Variants in CCDC180 observed in about 807,000 individuals in gnomAD.
The protein encoded by CCDC180 is coiled-coil domain-containing protein 180.
A neutral mutation model predicts 209.2 loss-of-function variants in CCDC180; 154 were observed. The ratio of observed to expected loss-of-function variants is 0.74; its 90% CI spans 0.65 to 0.84. The LOEUF (loss-of-function observed/expected upper bound fraction) is 0.84, where lower values mean the gene tolerates loss of function less well. Ranked by LOEUF, CCDC180 falls within the 40% of genes least tolerant of loss-of-function variation. The pLI is 0.00. For missense variants in CCDC180, 1,874 were observed against 1,997.3 expected, an observed-to-expected ratio of 0.94 and a Z score of 1.18; for synonymous variants, 778 against 749.1, an observed-to-expected ratio of 1.04 and a Z score of -0.63.
chr9:97,374,596 G>T lies in CCDC180; in HGVS notation c.4654G>T (p.Gly1552Trp). The T allele has an allele frequency of 6.2e-7, 1 of 1,614,136 alleles. No homozygotes were observed. Among genetic ancestry groups the T allele is most frequent in the South Asian group, 1.1e-5 (1 of 91,080 alleles). ...AATGCTCATACGAAGGAAACTCGCT[G>T]GGCTCTCCCTGAAGGAAGAGAGTGA... The part of the protein sequence containing the change: ...LSMLIRRKLA[G>W]LSLKEESEKP... The change falls in exon 35 of 37, where the codon GGG becomes TGG. Residue 1552 changes from glycine to tryptophan, a missense_variant. Physicochemically the swap from Gly to Trp is radical, Grantham distance 184. Coordinates refer to ENST00000529487, the MANE Select transcript of CCDC180 (RefSeq NM_020893.6).
chr9:97,307,601 TA>T, upstream of CCDC180: 1 of 778,836 alleles, frequency 1.3e-6, no homozygotes, highest in Non-Finnish European at 2.2e-6. Context: ...GAGGGTGGAT[TA>T]GGGTCCCGGA....
chr9:97,322,307 G>C (rs1331645020), intron 11 of CCDC180, among the ~76,000 whole-genome samples: 7 of 152,146 alleles, frequency 4.6e-5, no homozygotes, highest in Non-Finnish European at 1.0e-4. Context: ...CAAAATCTCT[G>C]TGTGGTCTTT....
At position 97,314,901 on chromosome 9, in the gene CCDC180, C is replaced by T; in HGVS notation, c.750C>T (p.Tyr250=). ...KYAEVIEKTS[Y]LMRPEVYRLI... ...CAGAAGTCATAGAGAAAACTTCCTA[C>T]CTCATGCGGCCCGAAGTGTACAGGC... The change falls in exon 8 of 37, where the codon TAC becomes TAT. Residue 250 remains tyrosine, a synonymous_variant. Transcript: ENST00000529487. 6.2e-7 allele frequency: 1 copy of T among 1,614,174 alleles called. No homozygotes were observed. Among genetic ancestry groups the T allele is most frequent in the Non-Finnish European group, 8.5e-7 (1 of 1,180,008 alleles).
chr9:97,369,957 C>G lies in CCDC180; in HGVS notation c.4225C>G (p.Leu1409Val). 6.2e-7 allele frequency: 1 copy of G among 1,614,212 alleles called. No homozygotes were observed. Among genetic ancestry groups the G allele is most frequent in the Non-Finnish European group, 8.5e-7 (1 of 1,180,036 alleles). ...RIQIRRFEEL[L>V]PQVCWLVMEN... Reference sequence around the variant, plus strand: ...CCAGATCAGGAGATTTGAGGAGCTGCTGCCCCAAGTGTGTTGGCTGGTGAT... The same window carrying G: ...CCAGATCAGGAGATTTGAGGAGCTGGTGCCCCAAGTGTGTTGGCTGGTGAT... Residue 1409 changes from leucine to valine, a missense_variant, in exon 32 of 37, where the codon CTG becomes GTG. Coordinates refer to ENST00000529487, the MANE Select transcript of CCDC180 (RefSeq NM_020893.6).
At chr9:97,322,780 TTC>T in intron 11 of CCDC180, 51 bp from the exon 12 acceptor site, 1 of 1,530,446 alleles carries the variant, frequency 6.5e-7, no homozygotes, top group Non-Finnish European at 9.0e-7. Context: ...ACACTCCCCT[TTC>T]TAATCTTCTC....
At chr9:97,362,131 G>C in intron 27 of CCDC180, 65 bp from the exon 28 acceptor site, 2 of 1,563,774 alleles carry the variant, frequency 1.3e-6, no homozygotes, top group Non-Finnish European at 1.7e-6. Context: ...ATGCTGCTCA[G>C]AGCCTGGCCT....
intron 3 of CCDC180, 21 bp downstream of exon 3, chr9:97,309,625 C>A: frequency 1.3e-6 from 2 of 1,520,244 alleles, no homozygotes; most frequent in South Asian, 2.6e-5. Context: ...TTGTCCATGC[C>A]TCACCCCCAT....
chr9:97,365,413 C>A (rs1010828369), intron 29 of CCDC180: 11 of 443,972 alleles, frequency 2.5e-5, no homozygotes, highest in Admixed American at 1.8e-4. Context: ...AATCCAAGAT[C>A]ATTAAAGCCA....
Position 97,314,303 on chromosome 9 carries a change from C to T in CCDC180, c.460-90C>T. The T allele has an allele frequency of 4.7e-6, 7 of 1,494,358 alleles. No individual in the cohort carries two copies. The South Asian group carries it at 7.0e-5, about 15-fold the overall frequency. The allele number at this position is 1,494,358 out of a possible 1,614,324, so 92.6% of individuals were successfully genotyped here. ...AATGATCATCATTTTTGAGATAGAACCATGCCTGGCACTTCCCCCATGACA... is the reference window on the plus strand; with the variant it reads ...AATGATCATCATTTTTGAGATAGAATCATGCCTGGCACTTCCCCCATGACA... On this transcript the variant is annotated intron_variant, in intron 5 of 36. Coordinates refer to ENST00000529487, the MANE Select transcript of CCDC180 (RefSeq NM_020893.6).
Position 97,330,686 on chromosome 9 carries a change from A to AGAGGAC in CCDC180, c.2198_2199insCGAGGA (p.Glu732_Glu733insAspGlu), listed in dbSNP as rs1554728833. On this transcript the variant is annotated inframe_insertion, in exon 18 of 37. Transcript: ENST00000529487. ...CAGAGGAGGAAGATGAGAAGGAGGA[A>AGAGGAC]GAGGAGGAGGAGGAGAAGCTGGAGG... 100 of 1,586,246 alleles carry AGAGGAC rather than the reference A, an allele frequency of 6.3e-5. No individual in the cohort carries two copies. Among genetic ancestry groups the AGAGGAC allele is most frequent in the Non-Finnish European group, 8.4e-5 (98 of 1,164,518 alleles).
At chr9:97,307,956 T>C in intron 1 of CCDC180, 27 bp from the exon 2 acceptor site, 1 of 1,582,700 alleles carries the variant, frequency 6.3e-7, no homozygotes, top group Non-Finnish European at 8.6e-7. Flanking sequence ...GAACCTGAGT[T>C]TGGGACGGGC....
At chr9:97,335,588 T>G (rs1364756086) in intron 18 of CCDC180, among the ~76,000 whole-genome samples, 1 of 152,186 alleles carries the variant, frequency 6.6e-6, no homozygotes, top group East Asian at 1.9e-4. Flanking sequence ...TTCTGGATAT[T>G]TGGGTTGGTT....
rs941996213 is a variant in CCDC180 at position 97,356,036 on chromosome 9, C to T, written c.3264+1028C>T. Among the ~76,000 whole-genome samples the T allele has an allele frequency of 3.9e-5, 6 of 152,068 alleles. No homozygotes were observed. In the East Asian group the frequency reaches 1.2e-3, roughly 29 times the overall value. On this transcript the variant is annotated intron_variant, in intron 24 of 36. Transcript: ENST00000529487. The stretch of plus-strand genomic sequence containing the variant: ...GAGGGTGGGGGTCCTGGCTGCTGAC[C>T]ACAGAAAGGCTGGAGGTGGGTAGGA...
In CCDC180 at chr9:97,343,439, G is replaced by A. The variant is rs753050880; in HGVS notation, c.2374G>A (p.Glu792Lys). 1.6e-5 allele frequency: 26 copies of A among 1,613,910 alleles called. No individual in the cohort carries two copies. The highest frequency in any genetic ancestry group is 2.0e-5 in the Non-Finnish European group (24 of 1,179,820). Reference protein sequence around the residue: ...GNTYFVFVPLEEEHCRKSHST... With the variant: ...GNTYFVFVPLKEEHCRKSHST... ...CACTTATTTTGTCTTTGTACCCCTG[G>A]AAGAAGAGCATTGTAGGAAGTCCCA... The change falls in exon 19 of 37, where the codon GAA becomes AAA. Residue 792 changes from glutamate to lysine, a missense_variant. Coordinates refer to ENST00000529487, the MANE Select transcript of CCDC180 (RefSeq NM_020893.6).
Position 97,361,708 on chromosome 9 carries a change from C to G in CCDC180, c.3484-18C>G. 6.2e-7 allele frequency: 1 copy of G among 1,612,844 alleles called. No homozygotes were observed. Among genetic ancestry groups the G allele is most frequent in the Non-Finnish European group, 8.5e-7 (1 of 1,179,562 alleles). On this transcript the variant is annotated intron_variant, in intron 26 of 36. Transcript: ENST00000529487. ...GGGCTGGTCCTTACACCCTCAGGCCCTTCTCTCTGGCCTGCAGAACACCAT... is the reference window on the plus strand; with the variant it reads ...GGGCTGGTCCTTACACCCTCAGGCCGTTCTCTCTGGCCTGCAGAACACCAT...
At chr9:97,367,273 T>C (rs1435111366) in intron 31 of CCDC180, among the ~76,000 whole-genome samples, 1 of 152,186 alleles carries the variant, frequency 6.6e-6, no homozygotes, top group East Asian at 1.9e-4. Context: ...TCATTCCTTT[T>C]TATCAATGAA....
intron 8 of CCDC180, among the ~76,000 whole-genome samples, chr9:97,315,806 G>A (rs1833152955): frequency 6.6e-6 from 1 of 152,212 alleles, no homozygotes; most frequent in South Asian, 2.1e-4. Flanking sequence ...AGATGTGGAA[G>A]CTTCTGAAAT....
rs1477858056 is a variant in CCDC180, at chr9:97,317,080, C to T, written c.811C>T (p.Leu271=). 5.0e-6 allele frequency: 8 copies of T among 1,612,524 alleles called. No homozygotes were observed. In the South Asian group the frequency reaches 6.6e-5, roughly 13 times the overall value. The change falls in exon 9 of 37, where the codon CTG becomes TTG. Residue 271 remains leucine (L), a synonymous_variant. Transcript: ENST00000529487. ...GTGACCACAGGTCATGAACTATGCC[C>T]TGCTGGGCAACCGGAAGGCTCTCGC... The part of the protein sequence containing the change: ...NEEAMVMNYA[L]LGNRKALAQL...
In CCDC180 at chr9:97,314,601, C is replaced by T; in HGVS notation, c.589-17C>T. 1 of 1,613,982 alleles carries T rather than the reference C, an allele frequency of 6.2e-7. No individual in the cohort carries two copies. Among genetic ancestry groups the T allele is most frequent in the Non-Finnish European group, 8.5e-7 (1 of 1,179,948 alleles). On this transcript the variant is annotated splice_polypyrimidine_tract_variant and intron_variant, in intron 6 of 36. Transcript: ENST00000529487. ...CCTCCCACCGGCTCCTAGCCTGACCCAAACTTCTCTGCGTAGGCCCTGCTG... is the reference window on the plus strand; with the variant it reads ...CCTCCCACCGGCTCCTAGCCTGACCTAAACTTCTCTGCGTAGGCCCTGCTG...
Sources: allele counts gnomAD v4.1 joint callset (sites outside exome capture counted in the v4.1 genomes callset), GRCh38; gene constraint gnomAD v4.1.1; transcripts MANE v1.5; gene names NCBI Gene and HGNC (gene_info 2026-07-23, HGNC 2026-07-21).